CHRNA4: variants seen among roughly 807,000 people sequenced by gnomAD.
The protein encoded by CHRNA4 is neuronal acetylcholine receptor subunit alpha-4.
In CHRNA4, 28 loss-of-function variants were observed where a neutral mutation model predicts 48.9. The ratio of observed to expected loss-of-function variants is 0.57; its 90% CI spans 0.42 to 0.79. The LOEUF is 0.79. Ranked by LOEUF, CHRNA4 falls within the 30% of genes least tolerant of loss-of-function variation. CHRNA4 has a pLI of 0.00. For synonymous variants in CHRNA4, 425 were observed against 402.3 expected, an observed-to-expected ratio of 1.06 and a Z score of -0.68; for missense variants, 859 against 898.4, an observed-to-expected ratio of 0.96 and a Z score of 0.56.
intron 4 of CHRNA4, among the ~76,000 whole-genome samples, chr20:63,352,092 G>A (rs575313126): frequency 7.9e-5 from 12 of 152,278 alleles, no homozygotes; most frequent in South Asian, 4.1e-4. Context: ...CGGGGGGAGC[G>A]GCTGCCCAGC....
chr20:63,356,501 A>G, intron 2 of CHRNA4, 86 bp from the exon 3 acceptor site: 1 of 1,371,620 alleles, frequency 7.3e-7, no homozygotes, highest in Non-Finnish European at 1.0e-6. Flanking sequence ...CCACTGGCAC[A>G]AGGACACGGC....
chr20:63,355,786 A>G (rs2068707242), intron 4 of CHRNA4, 189 bp downstream of exon 4: 1 of 902,652 alleles, frequency 1.1e-6, no homozygotes, highest in South Asian at 1.6e-5. Context: ...TCCCTCCTCA[A>G]CCCACACCAA....
In CHRNA4 at chr20:63,344,258, A is replaced by G. The variant is rs189687483; in HGVS notation, c.*2480T>C. Reference sequence around the variant, plus strand: ...TGACTCCTCGAAGGTCGTGAGCCGGAGAGGTCAATCCACGGTGCTTAAGTC... The same window carrying G: ...TGACTCCTCGAAGGTCGTGAGCCGGGGAGGTCAATCCACGGTGCTTAAGTC... On this transcript the variant is annotated 3_prime_UTR_variant, in exon 6 of 6. Transcript: ENST00000370263. This position sits in a 1 kb window ranked among gnomAD's most constrained non-coding sequence, Gnocchi z 4.5. The G allele has an allele frequency of 4.4e-6, 2 of 453,904 alleles. No individual in the cohort carries two copies. The highest frequency in any genetic ancestry group is 4.4e-6 in the Non-Finnish European group (1 of 226,704). The allele number at this position is 453,904 out of a possible 1,614,324, so 28.1% of individuals were successfully genotyped here.
In CHRNA4 at chr20:63,350,224, C is replaced by G; in HGVS notation, c.1187G>C (p.Ser396Thr). 1 of 1,607,906 alleles carries G rather than the reference C, an allele frequency of 6.2e-7. No individual in the cohort carries two copies. The highest frequency in any genetic ancestry group is 8.5e-7 in the Non-Finnish European group (1 of 1,177,500). ...GGGCGGGTGCAGGCTCTGGGTGCCGCTCGTGGCAGGGGGCTCCCCTTCTGG... is the reference window on the plus strand; with the variant it reads ...GGGCGGGTGCAGGCTCTGGGTGCCGGTCGTGGCAGGGGGCTCCCCTTCTGG... ...PEPEGEPPAT[S>T]GTQSLHPPSP... Residue 396 changes from serine to threonine, a missense_variant, in exon 5 of 6, where the codon AGC becomes ACC. Coordinates refer to ENST00000370263, the MANE Select transcript of CHRNA4 (RefSeq NM_000744.7).
At position 63,357,293 on chromosome 20, in the gene CHRNA4, ACCTCATCCCCTCAG is replaced by A. The variant is rs2068736560; in HGVS notation, c.229-892_229-879del. 2.6e-4 allele frequency among the ~76,000 whole-genome samples: 4 copies of A among 15,258 alleles called. No homozygotes were observed. In the South Asian group the frequency reaches 6.7e-3, roughly 25 times the overall value. 10.0% of individuals were successfully genotyped at this position (15,258 alleles called of 152,430 possible). A position where few individuals can be genotyped will look rare whatever the true frequency, so the allele number is the denominator to read the frequency against. On this transcript the variant is annotated intron_variant, in intron 2 of 5. Transcript: ENST00000370263. ...GTGCAGGGCCATATCTCCCCACAGG[ACCTCATCCCCTCAG>A]GACCTCATCCCGTGTGTCTGAGGAA...
At chr20:63,348,980 C>T (rs974564906) in intron 5 of CHRNA4, among the ~76,000 whole-genome samples, 3 of 152,184 alleles carry the variant, frequency 2.0e-5, no homozygotes, top group South Asian at 2.1e-4. Context: ...GGCCTCTGTG[C>T]GGCCAGTGCC....
At chr20:63,359,915 G>GTA in intron 1 of CHRNA4, 1 of 438,336 alleles carries the variant, frequency 2.3e-6, no homozygotes, top group Non-Finnish European at 4.2e-6. Flanking sequence ...GTGTGTGTGT[G>GTA]TGTGTGTGTG....
chr20:63,348,299 G>A (rs976270997), intron 5 of CHRNA4, among the ~76,000 whole-genome samples: 2 of 152,208 alleles, frequency 1.3e-5, no homozygotes, highest in Non-Finnish European at 2.9e-5. Context: ...GGCACAGCCC[G>A]GGCACAGCTG....
At chr20:63,355,787 C>A in intron 4 of CHRNA4, 188 bp downstream of exon 4, 1 of 911,402 alleles carries the variant, frequency 1.1e-6, no homozygotes. Flanking sequence ...CCCTCCTCAA[C>A]CCACACCAAT....
chr20:63,354,771 C>T (rs558073279), intron 4 of CHRNA4: 2 of 410,602 alleles, frequency 4.9e-6, no homozygotes, highest in Non-Finnish European at 6.6e-6. Context: ...TGTGTCCATG[C>T]GAGTCACACA....
At chr20:63,353,288 C>T (rs1484061899) in intron 4 of CHRNA4, among the ~76,000 whole-genome samples, 1 of 152,234 alleles carries the variant, frequency 6.6e-6, no homozygotes, top group African/African-American at 2.4e-5. Flanking sequence ...CCAGCGGCCA[C>T]TCCAGGAACC....
chr20:63,346,823 C>T lies in CHRNA4; in HGVS notation c.1799G>A (p.Arg600His), dbSNP rs752686095. ...DWKYVAMVID[R>H]IFLWMFIIVC... Reference sequence around the variant, plus strand: ...GATGATGAACATCCAGAGGAAGATGCGGTCGATGACCATGGCCACGTACTT... The same window carrying T: ...GATGATGAACATCCAGAGGAAGATGTGGTCGATGACCATGGCCACGTACTT... Residue 600 changes from arginine to histidine, a missense_variant, in exon 6 of 6, where the codon CGC (arginine) becomes CAC (histidine). By Grantham distance (29) the Arg-to-His change is conservative. Transcript: ENST00000370263. 16 of 1,612,526 alleles carry T rather than the reference C, an allele frequency of 9.9e-6. No individual in the cohort carries two copies. The highest frequency in any genetic ancestry group is 1.3e-5 in the Non-Finnish European group (15 of 1,179,672).
At position 63,354,768 on chromosome 20, in the gene CHRNA4, A is replaced by C. The variant is rs540098929; in HGVS notation, c.383+1207T>G. The C allele has an allele frequency of 5.0e-4, 220 of 436,670 alleles. 1 individual carries two copies. The highest frequency in any genetic ancestry group is 4.5e-3 in the African/African-American group (209 of 46,884). The allele number at this position is 436,670 out of a possible 1,614,324, so 27.0% of individuals were successfully genotyped here. On this transcript the variant is annotated intron_variant, in intron 4 of 5. Coordinates refer to ENST00000370263, the MANE Select transcript of CHRNA4 (RefSeq NM_000744.7). ...TTCCACTTCTCCCTGAAATGTGTCC[A>C]TGCGAGTCACACAGGCGGATTCGGT... is the stretch of plus-strand genomic sequence containing the variant.
At position 63,361,090 on chromosome 20, in the gene CHRNA4, C is replaced by T; in HGVS notation, c.76G>A (p.Ala26Thr). The T allele has an allele frequency of 2.0e-6, 3 of 1,463,484 alleles. No individual in the cohort carries two copies. Among genetic ancestry groups the T allele is most frequent in the South Asian group, 2.6e-5 (2 of 76,384 alleles). The allele number at this position is 1,463,484 out of a possible 1,614,324, so 90.7% of individuals were successfully genotyped here. The change falls in exon 1 of 6, where the codon GCC (alanine) becomes ACC (threonine). Residue 26 changes from alanine (A) to threonine (T), a missense_variant and splice_region_variant. By Grantham distance (58) the Ala-to-Thr change is moderately conservative (BLOSUM62 0). This residue lies in a region of CHRNA4 where 342 missense variants were observed against 365.3 expected (regional missense o/e 0.94). Coordinates refer to ENST00000370263, the MANE Select transcript of CHRNA4 (RefSeq NM_000744.7). Reference sequence around the variant, plus strand: ...GCCCATCCCGCGCCCCGTAACTTACCGCGCAGGAGGCCGGTCCCCAGAAGC... The same window carrying T: ...GCCCATCCCGCGCCCCGTAACTTACTGCGCAGGAGGCCGGTCCCCAGAAGC... ...LLLLGTGLLR[A>T]SSHVETRAHA...
In CHRNA4 at chr20:63,351,030, G is replaced by A. The variant is rs894265779; in HGVS notation, c.384-3C>T. The A allele has an allele frequency of 1.9e-6, 3 of 1,611,294 alleles. No individual in the cohort carries two copies. Among genetic ancestry groups the A allele is most frequent in the Admixed American group, 1.7e-5 (1 of 59,762 alleles). On this transcript the variant is annotated splice_polypyrimidine_tract_variant and splice_region_variant and intron_variant, in intron 4 of 5. Coordinates refer to ENST00000370263, the MANE Select transcript of CHRNA4 (RefSeq NM_000744.7). ...TGACCGCGAAGTCCCCGTCAGCACT[G>A]GGCAGGAAGAGAGCGAAGGGTGTGA...
rs2068493647 is a variant in CHRNA4 at position 63,346,291 on chromosome 20, G to A, written c.*447C>T. 1 of 453,862 alleles carries A rather than the reference G, an allele frequency of 2.2e-6. No individual in the cohort carries two copies. Among genetic ancestry groups the A allele is most frequent in the Non-Finnish European group, 4.4e-6 (1 of 226,574 alleles). 28.1% of individuals were successfully genotyped at this position (453,862 alleles called of 1,614,324 possible). On this transcript the variant is annotated 3_prime_UTR_variant, in exon 6 of 6. Coordinates refer to ENST00000370263, the MANE Select transcript of CHRNA4 (RefSeq NM_000744.7). Reference sequence around the variant, plus strand: ...CACACAGGCGCAGGACACGGTGGGTGGGAGAGGCGGCCGGGCCTCCAGAAG... The same window carrying A: ...CACACAGGCGCAGGACACGGTGGGTAGGAGAGGCGGCCGGGCCTCCAGAAG...
At chr20:63,349,259 G>A (rs1484643280) in intron 5 of CHRNA4, among the ~76,000 whole-genome samples, 1 of 152,200 alleles carries the variant, frequency 6.6e-6, no homozygotes, top group Non-Finnish European at 1.5e-5. Flanking sequence ...GGCGCACTCT[G>A]GAGAAAGGGC....
chr20:63,353,282 C>T (rs756546562), intron 4 of CHRNA4, among the ~76,000 whole-genome samples: 8 of 152,220 alleles, frequency 5.3e-5, no homozygotes, highest in Non-Finnish European at 1.0e-4. Context: ...CCAGCACCAG[C>T]GGCCACTCCA....
intron 4 of CHRNA4, among the ~76,000 whole-genome samples, chr20:63,353,213 C>T (rs551536298): frequency 4.6e-5 from 7 of 152,314 alleles, no homozygotes; most frequent in African/African-American, 1.4e-4. Flanking sequence ...GCAGCCTGGC[C>T]GGCCACCAGC....
Sources: allele counts gnomAD v4.1 joint callset (sites outside exome capture counted in the v4.1 genomes callset), GRCh38; gene constraint gnomAD v4.1.1; regional missense constraint gnomAD v4.1.1; non-coding constraint Gnocchi (gnomAD v3.1); transcripts MANE v1.5; gene names NCBI Gene and HGNC (gene_info 2026-07-23, HGNC 2026-07-21).